The following PTGR1 variants were observed in gnomAD, a reference collection of about 807,000 sequenced individuals.
The protein encoded by PTGR1 is 15-oxoprostaglandin 13-reductase.
PTGR1 carries 23 observed loss-of-function variants against 37.7 expected under a neutral mutation model. That is an observed-to-expected ratio of 0.61 (90% confidence interval 0.44 to 0.86). The LOEUF is 0.86. Ranked by LOEUF, PTGR1 falls within the 40% of genes least tolerant of loss-of-function variation. PTGR1 has a pLI of 0.00. For synonymous variants in PTGR1, 134 were observed against 140.0 expected (o/e 0.96, Z 0.30); for missense variants, 351 against 394.3 (o/e 0.89, Z 0.93).
rs1166770740 is a variant in PTGR1 at position 111,562,947 on chromosome 9, C to T, written c.*174G>A. On this transcript the variant is annotated 3_prime_UTR_variant, in exon 10 of 10. Coordinates refer to ENST00000407693, the MANE Select transcript of PTGR1 (RefSeq NM_001146108.2). ...TGACTGGTTGTTGTTGACTTTGAAA[C>T]TTCCATCCTCCATCACTAATTACAT... is the stretch of plus-strand genomic sequence containing the variant. 12 of 1,387,378 alleles carry T rather than the reference C, an allele frequency of 8.6e-6. No homozygotes were observed. The African/African-American group carries it at 1.3e-4, about 15-fold the overall frequency. 85.9% of individuals were successfully genotyped at this position (1,387,378 alleles called of 1,614,324 possible).
intron 8 of PTGR1, 50 bp from the exon 9 acceptor site, chr9:111,570,259 T>C (rs1828751610): frequency 1.3e-6 from 2 of 1,581,082 alleles, no homozygotes; most frequent in African/African-American, 1.4e-5. Context: ...GAGGTGCCCA[T>C]GGTGAAACAA....
At position 111,562,991 on chromosome 9, in the gene PTGR1, A is replaced by G. The variant is rs959224945; in HGVS notation, c.*130T>C. 7.0e-7 allele frequency: 1 copy of G among 1,428,838 alleles called. No individual in the cohort carries two copies. Among genetic ancestry groups the G allele is most frequent in the Non-Finnish European group, 9.1e-7 (1 of 1,093,790 alleles). 88.5% of individuals were successfully genotyped at this position (1,428,838 alleles called of 1,614,324 possible). A position where few individuals can be genotyped will look rare whatever the true frequency, so the allele number is the denominator to read the frequency against. ...ATTACATACCACTTAAATGTATTTT[A>G]TTAAGTAGCTCAAACTCATTATGAG... On this transcript the variant is annotated 3_prime_UTR_variant, in exon 10 of 10. Transcript: ENST00000407693.
intron 6 of PTGR1, among the ~76,000 whole-genome samples, chr9:111,582,042 G>A (rs1332507481): frequency 6.6e-6 from 1 of 151,942 alleles, no homozygotes; most frequent in Non-Finnish European, 1.5e-5. Context: ...AACACTAGCA[G>A]AATGTAAATA....
intron 9 of PTGR1, among the ~76,000 whole-genome samples, chr9:111,557,537 C>G (rs1289224956): frequency 6.6e-6 from 1 of 151,874 alleles, no homozygotes; most frequent in Non-Finnish European, 1.5e-5. Context: ...CCTCCGCCTC[C>G]CGGGTTCAAG....
chr9:111,564,992 C>T (rs546453012), intron 9 of PTGR1, among the ~76,000 whole-genome samples: 22 of 152,024 alleles, frequency 1.4e-4, no homozygotes, highest in Admixed American at 5.2e-4. Flanking sequence ...GGCGTGGTGG[C>T]GTGTACCTGT....
chr9:111,578,929 A>G lies in PTGR1; in HGVS notation c.518T>C (p.Val173Ala), dbSNP rs1459662627. ...KLKGCKVVGA[V>A]GSDEKVAYLQ... is the part of the protein sequence containing the mutation. ...GTAGGCAACCTTTTCATCAGACCCT[A>G]CTGCTCCAACAACTTTGCAGCCCTA... Residue 173 changes from valine (V) to alanine (A), a missense_variant, in exon 7 of 10, where the codon GTA becomes GCA. Coordinates refer to ENST00000407693, the MANE Select transcript of PTGR1 (RefSeq NM_001146108.2). 6.2e-7 allele frequency: 1 copy of G among 1,604,300 alleles called. No homozygotes were observed. The highest frequency in any genetic ancestry group is 8.5e-7 in the Non-Finnish European group (1 of 1,177,362).
At chr9:111,591,341 A>C (rs142384555) in intron 4 of PTGR1, among the ~76,000 whole-genome samples, 2,437 of 151,082 alleles carry the variant, frequency 0.016, 74 homozygotes, top group African/African-American at 0.057. Flanking sequence ...TATTTATAAA[A>C]GTATGTACAC....
intron 9 of PTGR1, among the ~76,000 whole-genome samples, chr9:111,551,788 T>G (rs1027499759): frequency 5.9e-5 from 9 of 152,218 alleles, no homozygotes; most frequent in African/African-American, 1.9e-4. Flanking sequence ...TATATCACTT[T>G]CAAAACTTTT....
intron 9 of PTGR1, among the ~76,000 whole-genome samples, chr9:111,550,387 G>A (rs1217044351): frequency 6.6e-6 from 1 of 152,154 alleles, no homozygotes; most frequent in African/African-American, 2.4e-5. Flanking sequence ...TGGAGGAAGT[G>A]GCTATTATTG....
intron 8 of PTGR1, among the ~76,000 whole-genome samples, chr9:111,570,924 A>G (rs1828790589): frequency 6.6e-6 from 1 of 152,192 alleles, no homozygotes; most frequent in South Asian, 2.1e-4. Context: ...GGGTGATAGA[A>G]GCAGAGATGA....
Position 111,586,258 on chromosome 9 carries a change from T to C in PTGR1, c.210-93A>G, listed in dbSNP as rs1039992058. On this transcript the variant is annotated intron_variant, in intron 4 of 9. Transcript: ENST00000407693. ...GCTGTGTGGTTAGTGTTGACAAAAGTGCACTGAGGTTGATATTCCACAACT... is the reference window on the plus strand; with the variant it reads ...GCTGTGTGGTTAGTGTTGACAAAAGCGCACTGAGGTTGATATTCCACAACT... 3 of 1,255,784 alleles carry C rather than the reference T, an allele frequency of 2.4e-6. No homozygotes were observed. In the African/African-American group the frequency reaches 4.5e-5, roughly 19 times the overall value. 77.8% of individuals were successfully genotyped at this position (1,255,784 alleles called of 1,614,324 possible).
At chr9:111,576,727 TTA>T (rs1829073770) in intron 7 of PTGR1, 1 of 235,164 alleles carries the variant, frequency 4.3e-6, no homozygotes, top group East Asian at 8.6e-5. Context: ...GGTGGTGACC[TTA>T]TAGAACATAA....
At chr9:111,572,159 C>T (rs1828846371) in intron 8 of PTGR1, among the ~76,000 whole-genome samples, 1 of 152,178 alleles carries the variant, frequency 6.6e-6, no homozygotes, top group African/African-American at 2.4e-5. Flanking sequence ...AGGAAAGTAA[C>T]ATTAGCAGTT....
In PTGR1 at chr9:111,592,922, T is replaced by C. The variant is rs1263460761; in HGVS notation, c.209+4A>G. ...CAAGCACTGGGACAAATGGAAATAA[T>C]TACTTGGCCACTTGCTGCCCCATCA... is the stretch of plus-strand genomic sequence containing the variant. On this transcript the variant is annotated splice_donor_region_variant and intron_variant, in intron 4 of 9. Transcript: ENST00000407693. 5 of 1,559,072 alleles carry C rather than the reference T, an allele frequency of 3.2e-6. No individual in the cohort carries two copies. The highest frequency in any genetic ancestry group is 4.3e-6 in the Non-Finnish European group (5 of 1,160,718).
intron 9 of PTGR1, among the ~76,000 whole-genome samples, chr9:111,552,392 T>C (rs763042022): frequency 1.3e-5 from 2 of 152,236 alleles, no homozygotes; most frequent in Non-Finnish European, 2.9e-5. Flanking sequence ...TGGAGTCTGC[T>C]TCAGAAAATT....
At chr9:111,573,954 T>A (rs1461046261) in intron 8 of PTGR1, among the ~76,000 whole-genome samples, 2 of 152,088 alleles carry the variant, frequency 1.3e-5, no homozygotes, top group African/African-American at 2.4e-5. Context: ...AAGCTGCTGC[T>A]CCCTTCCCTT....
chr9:111,593,315 G>A (rs961081495), intron 3 of PTGR1, among the ~76,000 whole-genome samples: 5 of 152,068 alleles, frequency 3.3e-5, no homozygotes, highest in African/African-American at 9.7e-5. Context: ...GGCACCACTG[G>A]GTAGTTATTA....
At chr9:111,583,831 C>T (rs1328826788) in intron 5 of PTGR1, among the ~76,000 whole-genome samples, 1 of 152,170 alleles carries the variant, frequency 6.6e-6, no homozygotes, top group East Asian at 1.9e-4. Flanking sequence ...GGGCTGTATC[C>T]TGTCCATTCA....
chr9:111,553,108 CT>C (rs1564604085), intron 9 of PTGR1, among the ~76,000 whole-genome samples: 1 of 152,124 alleles, frequency 6.6e-6, no homozygotes, highest in Non-Finnish European at 1.5e-5. Flanking sequence ...TCTTTTTTGA[CT>C]TACACTCACT....
Sources: gnomAD v4.1 joint callset for allele counts (sites outside exome capture counted in the v4.1 genomes callset) on GRCh38, gnomAD v4.1.1 for gene constraint, MANE v1.5 for transcripts, NCBI Gene and HGNC (gene_info 2026-07-23, HGNC 2026-07-21) for gene names.